Variants in ADAMTS18 observed in about 807,000 individuals in gnomAD.
ADAMTS18 encodes ADAM metallopeptidase with thrombospondin type 1 motif 18.
Under a neutral mutation model 165.9 loss-of-function variants are expected in ADAMTS18, and 157 were observed. The ratio of observed to expected loss-of-function variants is 0.95; its 90% CI spans 0.83 to 1.08. ADAMTS18 has a LOEUF of 1.08. ADAMTS18 is among the 50% of genes least tolerant of loss of function. The pLI is 0.00. For synonymous variants in ADAMTS18, 782 were observed against 578.2 expected, an observed-to-expected ratio of 1.35 and a Z score of -5.06; for missense variants, 2,040 against 1,534.0, an observed-to-expected ratio of 1.33 and a Z score of -5.51.
At position 77,367,526 on chromosome 16, in the gene ADAMTS18, G is replaced by A. The variant is rs766506029; in HGVS notation, c.693C>T (p.His231=). The A allele has an allele frequency of 3.7e-6, 6 of 1,614,142 alleles. No individual in the cohort carries two copies. Among genetic ancestry groups the A allele is most frequent in the Admixed American group, 1.7e-5 (1 of 60,016 alleles). Residue 231 remains histidine (H), a synonymous_variant, in exon 4 of 23, where the codon CAC becomes CAT. Coordinates refer to ENST00000282849, the MANE Select transcript of ADAMTS18 (RefSeq NM_199355.4). The part of the protein sequence containing the change: ...GRNYPGYSPS[H]IPHASQSRET... ...CTCGACTCTGAGATGCATGGGGAAT[G>A]TGACTTGGGGAGTAACCAGGATAAT... is the stretch of plus-strand genomic sequence containing the variant.
chr16:77,353,997 G>C (rs2056593564), intron 9 of ADAMTS18, 111 bp from the exon 10 acceptor site: 1 of 1,305,840 alleles, frequency 7.7e-7, no homozygotes, highest in Non-Finnish European at 1.1e-6. Context: ...CATGGTTCTA[G>C]AAACAGGTAT....
At chr16:77,295,890 C>A (rs980274030) in intron 18 of ADAMTS18, among the ~76,000 whole-genome samples, 6 of 151,926 alleles carry the variant, frequency 3.9e-5, no homozygotes, top group Admixed American at 2.0e-4. Context: ...GTTGCCCAGG[C>A]TGGAGTGCAA....
chr16:77,394,213 G>C (rs1011728782), intron 3 of ADAMTS18, among the ~76,000 whole-genome samples: 1 of 152,220 alleles, frequency 6.6e-6, no homozygotes, highest in Non-Finnish European at 1.5e-5. Flanking sequence ...TTTAAATGCA[G>C]TCTAGTCCAT....
At chr16:77,356,361 A>G (rs946297283) in intron 8 of ADAMTS18, among the ~76,000 whole-genome samples, 1 of 152,194 alleles carries the variant, frequency 6.6e-6, no homozygotes, top group Non-Finnish European at 1.5e-5. Flanking sequence ...TCAAGTTAAA[A>G]TTTAGGTATA....
chr16:77,286,701 C>T (rs2055258518), intron 22 of ADAMTS18, among the ~76,000 whole-genome samples: 1 of 152,010 alleles, frequency 6.6e-6, no homozygotes, highest in South Asian at 2.1e-4. Context: ...TGTGGGATTC[C>T]ATGAGGAGCA....
intron 10 of ADAMTS18, among the ~76,000 whole-genome samples, chr16:77,353,379 G>A (rs1461768894): frequency 6.6e-6 from 1 of 152,162 alleles, no homozygotes; most frequent in Non-Finnish European, 1.5e-5. Flanking sequence ...GTATGGTGAT[G>A]ATTTGAAACG....
At chr16:77,427,375 A>C (rs1374070674) in intron 3 of ADAMTS18, among the ~76,000 whole-genome samples, 1 of 152,228 alleles carries the variant, frequency 6.6e-6, no homozygotes, top group Non-Finnish European at 1.5e-5. Context: ...ACAGGTAAAA[A>C]TTTTAAGACT....
chr16:77,369,780 G>C (rs2056850301), intron 3 of ADAMTS18, among the ~76,000 whole-genome samples: 1 of 152,062 alleles, frequency 6.6e-6, no homozygotes, highest in Admixed American at 6.6e-5. Context: ...AATCAGACAA[G>C]AACAAAAAGA....
chr16:77,361,614 T>C (rs563721355), intron 7 of ADAMTS18, among the ~76,000 whole-genome samples: 1 of 152,282 alleles, frequency 6.6e-6, no homozygotes, highest in Non-Finnish European at 1.5e-5. Context: ...CCAGGTGAGG[T>C]GGCTCATGCC....
chr16:77,374,064 T>A (rs560539445), intron 3 of ADAMTS18, among the ~76,000 whole-genome samples: 4 of 151,666 alleles, frequency 2.6e-5, no homozygotes, highest in Admixed American at 6.6e-5. Context: ...ACTAAAAATA[T>A]GAAAATTAGC....
intron 11 of ADAMTS18, among the ~76,000 whole-genome samples, chr16:77,338,832 T>C (rs1316898999): frequency 1.3e-5 from 2 of 151,362 alleles, no homozygotes; most frequent in African/African-American, 4.9e-5. Flanking sequence ...CGGGCACCTG[T>C]AGTTCCAGCT....
intron 10 of ADAMTS18, among the ~76,000 whole-genome samples, chr16:77,351,654 C>A (rs868842434): frequency 1.1e-4 from 16 of 152,210 alleles, no homozygotes; most frequent in African/African-American, 2.9e-4. Flanking sequence ...AGAATACAAA[C>A]TTTTTCAACA....
intron 12 of ADAMTS18, among the ~76,000 whole-genome samples, chr16:77,335,270 TAAAAAA>T (rs560255934): frequency 8.6e-6 from 1 of 116,586 alleles, no homozygotes; most frequent in African/African-American, 3.1e-5. Context: ...ATGTGAGAGC[TAAAAAA>T]AAAAAAAAAA....
intron 3 of ADAMTS18, among the ~76,000 whole-genome samples, chr16:77,398,368 G>C (rs1294002296): frequency 2.0e-5 from 3 of 151,888 alleles, no homozygotes; most frequent in Non-Finnish European, 4.4e-5. Context: ...AAGAGAGAAA[G>C]AGAAAGAGAG....
chr16:77,339,283 T>TATA (rs1249451324), intron 11 of ADAMTS18, among the ~76,000 whole-genome samples: 1 of 152,134 alleles, frequency 6.6e-6, no homozygotes, highest in Non-Finnish European at 1.5e-5. Flanking sequence ...TGGAACTTAT[T>TATA]AAGATGCTTT....
intron 3 of ADAMTS18, among the ~76,000 whole-genome samples, chr16:77,421,422 C>G (rs2057601326): frequency 6.6e-6 from 1 of 152,174 alleles, no homozygotes; most frequent in African/African-American, 2.4e-5. Flanking sequence ...TGTTTTTGGT[C>G]ATGAAAGCCT....
intron 3 of ADAMTS18, among the ~76,000 whole-genome samples, chr16:77,387,215 C>T (rs948793956): frequency 2.0e-5 from 3 of 152,134 alleles, no homozygotes; most frequent in East Asian, 1.9e-4. Flanking sequence ...CTCACCTAAC[C>T]ATCATGCAAA....
chr16:77,363,898 T>G lies in ADAMTS18; in HGVS notation c.973-13A>C, dbSNP rs199568944. 7 of 1,613,278 alleles carry G rather than the reference T, an allele frequency of 4.3e-6. No individual in the cohort carries two copies. The East Asian group carries it at 8.9e-5, about 21-fold the overall frequency. On this transcript the variant is annotated splice_polypyrimidine_tract_variant and intron_variant, in intron 5 of 22. Coordinates refer to ENST00000282849, the MANE Select transcript of ADAMTS18 (RefSeq NM_199355.4). ...ATAGGCCAGAAACCTGTTGGAACAA[T>G]GGAAATCAAACAAAATCTCAAAATT...
chr16:77,343,224 C>A (rs1319441944), intron 10 of ADAMTS18, among the ~76,000 whole-genome samples: 1 of 152,176 alleles, frequency 6.6e-6, no homozygotes, highest in Non-Finnish European at 1.5e-5. Flanking sequence ...CAAGCACGCA[C>A]CACCATGTCC....
Sources: allele counts gnomAD v4.1 joint callset (sites outside exome capture counted in the v4.1 genomes callset), GRCh38; gene constraint gnomAD v4.1.1; transcripts MANE v1.5; gene names NCBI Gene and HGNC (gene_info 2026-07-23, HGNC 2026-07-21).